Variants in COL24A1 observed in about 807,000 individuals in gnomAD.
The protein encoded by COL24A1 is collagen type XXIV alpha 1 chain.
In COL24A1, 224 loss-of-function variants were observed where a neutral mutation model predicts 253.9. The observed-to-expected ratio is 0.88, with a 90% CI of 0.79 to 0.99. The LOEUF (loss-of-function observed/expected upper bound fraction) is 0.99. Among genes scored for constraint, COL24A1 ranks in the 50% least tolerant of loss-of-function variants. The pLI is 0.00. For missense variants in COL24A1, 2,131 were observed against 2,068.5 expected (o/e 1.03, Z -0.59); for synonymous variants, 685 against 673.7 (o/e 1.02, Z -0.26).
chr1:85,743,444 CT>C (rs1664860699), intron 57 of COL24A1, among the ~76,000 whole-genome samples: 2 of 152,134 alleles, frequency 1.3e-5, no homozygotes. Context: ...TCTGATCATT[CT>C]ATTTAAAAAT....
chr1:85,831,818 G>A (rs1350901607), intron 43 of COL24A1, among the ~76,000 whole-genome samples: 1 of 152,002 alleles, frequency 6.6e-6, no homozygotes, highest in Non-Finnish European at 1.5e-5. Flanking sequence ...GATCTGAGAG[G>A]GCTATGACTG....
At chr1:85,775,483 C>T (rs1668445497) in intron 53 of COL24A1, among the ~76,000 whole-genome samples, 191 bp downstream of exon 53, 1 of 152,024 alleles carries the variant, frequency 6.6e-6, no homozygotes, top group African/African-American at 2.4e-5. Flanking sequence ...TTAAAGTCTC[C>T]CATTATTATT....
intron 31 of COL24A1, among the ~76,000 whole-genome samples, chr1:85,893,001 A>G (rs1332242790): frequency 1.3e-5 from 2 of 152,162 alleles, no homozygotes; most frequent in Non-Finnish European, 2.9e-5. Flanking sequence ...ATCTAACCAC[A>G]TCAATTACGT....
At chr1:85,771,640 T>C (rs1667970078) in intron 53 of COL24A1, among the ~76,000 whole-genome samples, 1 of 152,110 alleles carries the variant, frequency 6.6e-6, no homozygotes, top group Non-Finnish European at 1.5e-5. Context: ...CTGGGTCAAA[T>C]GGTATTTCTA....
chr1:85,939,883 C>T (rs139797368), intron 24 of COL24A1, among the ~76,000 whole-genome samples: 1 of 152,052 alleles, frequency 6.6e-6, no homozygotes, highest in African/African-American at 2.4e-5. Flanking sequence ...AGGATATATA[C>T]TGCCCTCTTA....
At chr1:85,787,914 A>C (rs1043666910) in intron 47 of COL24A1, among the ~76,000 whole-genome samples, 1 of 151,984 alleles carries the variant, frequency 6.6e-6, no homozygotes, top group Non-Finnish European at 1.5e-5. Flanking sequence ...ACTTTTTAAT[A>C]ATTGCCATTC....
chr1:85,799,211 A>AAAAAGAAAGAAAGAAAGAAAG (rs753701297), intron 47 of COL24A1, among the ~76,000 whole-genome samples: 2 of 137,636 alleles, frequency 1.5e-5, no homozygotes, highest in African/African-American at 5.6e-5. Context: ...TTGGCCACAT[A>AAAAAGAAAGAAAGAAAGAAAG]AAAGAAAGAA....
intron 10 of COL24A1, among the ~76,000 whole-genome samples, chr1:86,052,009 G>C (rs1700347062): frequency 6.6e-6 from 1 of 152,084 alleles, no homozygotes; most frequent in Admixed American, 6.6e-5. Context: ...AAGTCTTAAA[G>C]ACAGACTAAA....
chr1:85,926,387 G>A (rs968647157), intron 24 of COL24A1, among the ~76,000 whole-genome samples: 5 of 151,948 alleles, frequency 3.3e-5, no homozygotes, highest in African/African-American at 7.2e-5. Context: ...TATGTTTATT[G>A]CGGCACAATA....
At chr1:85,860,715 T>C (rs1162617878) in intron 37 of COL24A1, among the ~76,000 whole-genome samples, 2 of 152,206 alleles carry the variant, frequency 1.3e-5, no homozygotes, top group African/African-American at 2.4e-5. Context: ...CACTCTAGCC[T>C]GGGCGACAGA....
At chr1:85,877,849 T>C (rs928312452) in intron 32 of COL24A1, among the ~76,000 whole-genome samples, 1 of 152,238 alleles carries the variant, frequency 6.6e-6, no homozygotes, top group African/African-American at 2.4e-5. Flanking sequence ...GTCATTCATC[T>C]ACTTAAAATT....
In COL24A1 at chr1:85,875,312, C is replaced by T. The variant is rs377129438; in HGVS notation, c.3049G>A (p.Gly1017Arg). 13 of 1,613,524 alleles carry T rather than the reference C, an allele frequency of 8.1e-6. No homozygotes were observed. Among genetic ancestry groups the T allele is most frequent in the Non-Finnish European group, 9.3e-6 (11 of 1,179,676 alleles). ...GGTTCACCTTGCAGACCAGACTCTC[C>T]CTCAGTGCCTGGAGGTCCCTACAAG... ...MGMEGPPGTE[G>R]ESGLQGEPGA... Residue 1017 changes from glycine to arginine, a missense_variant, in exon 34 of 60, where the codon GGA becomes AGA. Gly to Arg is a moderately radical substitution (Grantham distance 125, BLOSUM62 -2). Coordinates refer to ENST00000370571, the MANE Select transcript of COL24A1 (RefSeq NM_152890.7).
At chr1:86,031,298 CA>C (rs1698548273) in intron 14 of COL24A1, among the ~76,000 whole-genome samples, 1 of 151,644 alleles carries the variant, frequency 6.6e-6, no homozygotes, top group Non-Finnish European at 1.5e-5. Context: ...TACAAAAATA[CA>C]GTAGAAAGAA....
intron 34 of COL24A1, 81 bp from the exon 35 acceptor site, chr1:85,874,783 G>A (rs1680942743): frequency 6.8e-7 from 1 of 1,475,974 alleles, no homozygotes; most frequent in Non-Finnish European, 9.4e-7. Flanking sequence ...ATACGGCACA[G>A]TTCCCCAACG....
intron 1 of COL24A1, among the ~76,000 whole-genome samples, chr1:86,150,991 T>C (rs1652683125): frequency 6.6e-6 from 1 of 152,090 alleles, no homozygotes; most frequent in African/African-American, 2.4e-5. Context: ...ATTAGTATAC[T>C]GGCATTAAAA....
intron 37 of COL24A1, among the ~76,000 whole-genome samples, chr1:85,861,316 T>C (rs1679123215): frequency 6.6e-6 from 1 of 152,218 alleles, no homozygotes; most frequent in Admixed American, 6.5e-5. Context: ...TCACTTATGT[T>C]AATTATCTTA....
At chr1:86,019,612 C>T (rs1224083283) in intron 18 of COL24A1, among the ~76,000 whole-genome samples, 1 of 151,896 alleles carries the variant, frequency 6.6e-6, no homozygotes, top group Non-Finnish European at 1.5e-5. Flanking sequence ...ATAAATACAA[C>T]AAGAGACAAA....
chr1:86,117,599 A>C (rs571207328), intron 3 of COL24A1, among the ~76,000 whole-genome samples: 1 of 152,360 alleles, frequency 6.6e-6, no homozygotes, highest in African/African-American at 2.4e-5. Flanking sequence ...TTGTTTGATA[A>C]GCACTAAATT....
At chr1:86,090,256 A>G (rs1167864844) in intron 6 of COL24A1, among the ~76,000 whole-genome samples, 3 of 152,214 alleles carry the variant, frequency 2.0e-5, no homozygotes, top group Admixed American at 1.3e-4. Context: ...GTCATGAAGG[A>G]ATCATTTAAT....
Sources: allele counts gnomAD v4.1 joint callset (sites outside exome capture counted in the v4.1 genomes callset), GRCh38; gene constraint gnomAD v4.1.1; transcripts MANE v1.5; gene names NCBI Gene and HGNC (gene_info 2026-07-23, HGNC 2026-07-21).